The following AKAP6 variants were observed in gnomAD, a reference collection of about 807,000 sequenced individuals.
The protein encoded by AKAP6 is A-kinase anchoring protein 6.
In AKAP6, 58 loss-of-function variants were observed where a neutral mutation model predicts 188.5. The observed-to-expected ratio is 0.31, with a 90% CI of 0.25 to 0.38. The LOEUF is 0.38. AKAP6 is among the 10% of genes least tolerant of loss of function. The probability of loss-of-function intolerance (pLI) is 1.00; values close to 1 mark genes in which losing one functional copy is unlikely to be tolerated. For missense variants in AKAP6, 2,710 were observed against 2,740.0 expected, an observed-to-expected ratio of 0.99 and a Z score of 0.24; for synonymous variants, 989 against 998.6, an observed-to-expected ratio of 0.99 and a Z score of 0.18.
At chr14:32,556,170 A>T (rs1297238081) in intron 4 of AKAP6, among the ~76,000 whole-genome samples, 1 of 152,050 alleles carries the variant, frequency 6.6e-6, no homozygotes, top group Non-Finnish European at 1.5e-5. Context: ...AAGGTGATAG[A>T]TCATTGTGGT....
At chr14:32,471,143 C>T (rs1878754052) in intron 2 of AKAP6, among the ~76,000 whole-genome samples, 1 of 152,146 alleles carries the variant, frequency 6.6e-6, no homozygotes, top group African/African-American at 2.4e-5. Flanking sequence ...TGGCCGATAT[C>T]CATTCAACAT....
At chr14:32,792,726 G>T (rs1420469357) in intron 12 of AKAP6, among the ~76,000 whole-genome samples, 1 of 152,118 alleles carries the variant, frequency 6.6e-6, no homozygotes, top group South Asian at 2.1e-4. Flanking sequence ...TCTAGCTTTT[G>T]CCCATTCAAT....
At chr14:32,480,472 C>T (rs995184537) in intron 2 of AKAP6, among the ~76,000 whole-genome samples, 1 of 152,110 alleles carries the variant, frequency 6.6e-6, no homozygotes, top group African/African-American at 2.4e-5. Flanking sequence ...TGAAGGTGTC[C>T]ATTCATGGTC....
At chr14:32,633,261 T>C (rs1385241281) in intron 7 of AKAP6, among the ~76,000 whole-genome samples, 1 of 152,124 alleles carries the variant, frequency 6.6e-6, no homozygotes, top group Non-Finnish European at 1.5e-5. Flanking sequence ...AGAACAGTAG[T>C]TGTTCTCTTT....
intron 7 of AKAP6, among the ~76,000 whole-genome samples, chr14:32,666,591 T>C (rs114325376): frequency 0.013 from 1,928 of 152,208 alleles, 49 homozygotes; most frequent in African/African-American, 0.044. Flanking sequence ...CTACATAATA[T>C]CTAGTGATTA....
At chr14:32,745,475 C>CTCTCTCTCTCTCTCTCTCTG (rs2031860456) in intron 11 of AKAP6, among the ~76,000 whole-genome samples, 1 of 68,980 alleles carries the variant, frequency 1.4e-5, no homozygotes, top group Non-Finnish European at 3.1e-5. Context: ...CTCTCTCTCT[C>CTCTCTCTCTCTCTCTCTCTG]TCTCTCTCTC....
chr14:32,594,535 T>C (rs1000082385), intron 5 of AKAP6, among the ~76,000 whole-genome samples: 6 of 152,306 alleles, frequency 3.9e-5, no homozygotes, highest in Admixed American at 1.3e-4. Flanking sequence ...TTTTGAGGAC[T>C]GGTACCTCTG....
intron 7 of AKAP6, among the ~76,000 whole-genome samples, chr14:32,653,452 C>T (rs1768810714): frequency 6.6e-6 from 1 of 151,868 alleles, no homozygotes; most frequent in Non-Finnish European, 1.5e-5. Flanking sequence ...TTGACACCTC[C>T]CCTCCCCTCA....
chr14:32,784,046 CAT>C (rs368774369), intron 12 of AKAP6, among the ~76,000 whole-genome samples: 285 of 152,160 alleles, frequency 1.9e-3, no homozygotes, highest in African/African-American at 6.4e-3. Flanking sequence ...TCACATGTGA[CAT>C]ATGGAGAAGT....
intron 10 of AKAP6, 49 bp from the exon 11 acceptor site, chr14:32,735,609 T>C (rs1380840111): frequency 7.1e-7 from 1 of 1,403,268 alleles, no homozygotes; most frequent in Non-Finnish European, 9.7e-7. Context: ...TCGTGGGGTT[T>C]TTTTTTGTTT....
At chr14:32,536,011 T>A (rs1008652222) in intron 3 of AKAP6, among the ~76,000 whole-genome samples, 166 of 152,346 alleles carry the variant, frequency 1.1e-3, no homozygotes, top group African/African-American at 3.7e-3. Context: ...CCTGGTAATT[T>A]GCACATATGC....
intron 11 of AKAP6, among the ~76,000 whole-genome samples, chr14:32,745,407 A>C (rs769505147): frequency 1.1e-4 from 17 of 152,036 alleles, no homozygotes; most frequent in Non-Finnish European, 2.4e-4. Flanking sequence ...CTGGATTGCC[A>C]GGCAGAGACT....
intron 7 of AKAP6, among the ~76,000 whole-genome samples, chr14:32,646,315 A>G (rs1462089799): frequency 1.4e-5 from 2 of 138,434 alleles, no homozygotes; most frequent in Admixed American, 1.5e-4. Flanking sequence ...ATTCTCACAA[A>G]CCCAATCATT....
intron 1 of AKAP6, among the ~76,000 whole-genome samples, chr14:32,395,289 A>G (rs1245582571): frequency 6.6e-6 from 1 of 152,140 alleles, no homozygotes; most frequent in Non-Finnish European, 1.5e-5. Context: ...CCTGCTCTGA[A>G]TTATTTGTAT....
At chr14:32,408,242 G>T in intron 1 of AKAP6, among the ~76,000 whole-genome samples, 1 of 152,146 alleles carries the variant, frequency 6.6e-6, no homozygotes, top group East Asian at 1.9e-4. Flanking sequence ...AATGAACAGG[G>T]AAGGAGGGGA....
chr14:32,567,269 G>C (rs1399210038), intron 4 of AKAP6, among the ~76,000 whole-genome samples: 1 of 152,294 alleles, frequency 6.6e-6, no homozygotes, highest in Admixed American at 6.5e-5. Context: ...AATGGAGGGA[G>C]CTTTGAACTA....
intron 4 of AKAP6, among the ~76,000 whole-genome samples, chr14:32,554,705 C>T (rs1235782103): frequency 6.6e-6 from 1 of 152,040 alleles, no homozygotes; most frequent in Non-Finnish European, 1.5e-5. Flanking sequence ...TGGTAAGTAG[C>T]CACTTGTATA....
At chr14:32,793,853 A>T (rs892358831) in intron 12 of AKAP6, among the ~76,000 whole-genome samples, 6 of 151,486 alleles carry the variant, frequency 4.0e-5, no homozygotes, top group African/African-American at 1.5e-4. Flanking sequence ...TTCATAAAGC[A>T]AGTTCTTGGA....
At chr14:32,345,518 G>A (rs910275158) in intron 1 of AKAP6, among the ~76,000 whole-genome samples, 28 of 152,334 alleles carry the variant, frequency 1.8e-4, no homozygotes, top group African/African-American at 6.7e-4. Context: ...CATGTCTGCT[G>A]AATGTCTGCC....
Sources: allele counts gnomAD v4.1 joint callset (sites outside exome capture counted in the v4.1 genomes callset), GRCh38; gene constraint gnomAD v4.1.1; transcripts MANE v1.5; gene names NCBI Gene and HGNC (gene_info 2026-07-23, HGNC 2026-07-21).